Variants in HSD17B12 observed in about 807,000 individuals in gnomAD.
HSD17B12 encodes the protein hydroxysteroid 17-beta dehydrogenase 12.
HSD17B12 carries 32 observed loss-of-function variants against 39.3 expected under a neutral mutation model. The observed-to-expected ratio is 0.81, with a 90% CI of 0.61 to 1.09. The LOEUF (loss-of-function observed/expected upper bound fraction) is 1.09. Among genes scored for constraint, HSD17B12 ranks in the 50% least tolerant of loss-of-function variants. The pLI, the probability that HSD17B12 is intolerant of heterozygous loss-of-function variation, is 0.00. For missense variants in HSD17B12, 342 were observed against 382.9 expected (o/e 0.89, Z 0.89); for synonymous variants, 150 against 146.7 (o/e 1.02, Z -0.16).
chr11:43,574,845 TA>T, the HSD17B12 span, among the ~76,000 whole-genome samples: 1 of 152,242 alleles, frequency 6.6e-6, no homozygotes, highest in African/African-American at 2.4e-5. Flanking sequence ...CGCTGGAGAC[TA>T]AGCATTTGCA....
At chr11:43,615,646 T>A in the HSD17B12 span, among the ~76,000 whole-genome samples, 1 of 152,206 alleles carries the variant, frequency 6.6e-6, no homozygotes, top group African/African-American at 2.4e-5. Flanking sequence ...GTTTTCCTTT[T>A]CTCAGGGGTC....
intron 3 of HSD17B12, among the ~76,000 whole-genome samples, chr11:43,770,481 G>T (rs775220908): frequency 6.6e-6 from 1 of 152,184 alleles, no homozygotes; most frequent in East Asian, 1.9e-4. Flanking sequence ...TAATTCCAGC[G>T]CTTGAGAAGG....
At chr11:43,584,854 A>C in the HSD17B12 span, among the ~76,000 whole-genome samples, 1 of 152,186 alleles carries the variant, frequency 6.6e-6, no homozygotes, top group East Asian at 1.9e-4. Flanking sequence ...ACAAGGAAGG[A>C]CACAGTACCT....
chr11:43,706,724 T>TGTGTGTGTGTGTTG (rs1204580097), intron 1 of HSD17B12, among the ~76,000 whole-genome samples: 22 of 80,344 alleles, frequency 2.7e-4, no homozygotes, highest in African/African-American at 9.8e-4. Flanking sequence ...GTGTGTGTTG[T>TGTGTGTGTGTGTTG]GGGGGGTGGG....
intron 4 of HSD17B12, among the ~76,000 whole-genome samples, chr11:43,802,127 A>G (rs1950976124): frequency 6.6e-6 from 1 of 152,046 alleles, no homozygotes; most frequent in African/African-American, 2.4e-5. Flanking sequence ...CTGGGACTAC[A>G]GGTGGCTGCC....
chr11:43,759,815 C>A (rs966795026), intron 3 of HSD17B12, among the ~76,000 whole-genome samples: 3 of 151,944 alleles, frequency 2.0e-5, no homozygotes, highest in Non-Finnish European at 4.4e-5. Context: ...GTGACCTCAA[C>A]CTCCCAGGCC....
chr11:43,616,225 C>T, the HSD17B12 span, among the ~76,000 whole-genome samples: 5 of 151,830 alleles, frequency 3.3e-5, no homozygotes, highest in African/African-American at 4.8e-5. Flanking sequence ...CTGGGCAACA[C>T]GGTGAAACCC....
the HSD17B12 span, among the ~76,000 whole-genome samples, chr11:43,613,950 A>G: frequency 3.3e-5 from 5 of 152,216 alleles, no homozygotes; most frequent in Non-Finnish European, 7.3e-5. Flanking sequence ...TACAGGCATC[A>G]GCCACCATGT....
At chr11:43,854,549 A>G (rs1951562923) in intron 9 of HSD17B12, 166 bp from the exon 10 acceptor site, 2 of 647,276 alleles carry the variant, frequency 3.1e-6, no homozygotes, top group East Asian at 5.2e-5. Context: ...TTATGGTATC[A>G]TGTGTTCTAT....
intron 1 of HSD17B12, among the ~76,000 whole-genome samples, chr11:43,715,080 T>G (rs1950108327): frequency 6.6e-6 from 1 of 152,162 alleles, no homozygotes; most frequent in African/African-American, 2.4e-5. Context: ...ACAGGGACAA[T>G]TTGACTTCCT....
chr11:43,581,319 C>T, the HSD17B12 span: 2 of 470,858 alleles, frequency 4.2e-6, no homozygotes, highest in South Asian at 1.5e-5. This position sits in a 1 kb window ranked among gnomAD's most constrained non-coding sequence, Gnocchi z 4.9. Context: ...CTGGGGAGAC[C>T]CAGCCTGTTC....
At chr11:43,586,806 T>G in the HSD17B12 span, among the ~76,000 whole-genome samples, 1 of 152,234 alleles carries the variant, frequency 6.6e-6, no homozygotes, top group Non-Finnish European at 1.5e-5. Flanking sequence ...AACATGGGAA[T>G]AGTAGTCATG....
the HSD17B12 span, among the ~76,000 whole-genome samples, chr11:43,638,835 G>A: frequency 6.6e-6 from 1 of 151,402 alleles, no homozygotes; most frequent in Non-Finnish European, 1.5e-5. Flanking sequence ...GGGGACTGAA[G>A]TCCTCTTTCA....
intron 6 of HSD17B12, among the ~76,000 whole-genome samples, chr11:43,822,977 A>T (rs1393681505): frequency 6.6e-6 from 1 of 152,140 alleles, no homozygotes; most frequent in African/African-American, 2.4e-5. Flanking sequence ...CAAGCAGGGG[A>T]TTATATATTA....
At chr11:43,639,479 A>T in the HSD17B12 span, among the ~76,000 whole-genome samples, 1 of 152,114 alleles carries the variant, frequency 6.6e-6, no homozygotes, top group Non-Finnish European at 1.5e-5. Context: ...GCCTAGTTAC[A>T]ATCCCTCATT....
the HSD17B12 span, among the ~76,000 whole-genome samples, chr11:43,590,437 C>CAA: frequency 4.7e-4 from 31 of 66,242 alleles, 1 homozygote; most frequent in African/African-American, 1.7e-3. Flanking sequence ...TTAAGTTTAG[C>CAA]AAAAAAAAAA....
At chr11:43,823,353 G>C (rs188497186) in intron 6 of HSD17B12, among the ~76,000 whole-genome samples, 1 of 151,956 alleles carries the variant, frequency 6.6e-6, no homozygotes, top group African/African-American at 2.4e-5. Context: ...TCACTGTAAC[G>C]TCAAACTACT....
At chr11:43,837,681 C>G (rs1176389723) in intron 7 of HSD17B12, among the ~76,000 whole-genome samples, 1 of 152,152 alleles carries the variant, frequency 6.6e-6, no homozygotes, top group Admixed American at 6.6e-5. Context: ...AGAGTCAACT[C>G]TTTGTTGGTG....
At chr11:43,571,084 C>A in the HSD17B12 span, among the ~76,000 whole-genome samples, 4 of 152,166 alleles carry the variant, frequency 2.6e-5, no homozygotes, top group African/African-American at 9.7e-5. Context: ...GTGATCCAAG[C>A]TTAGTAGATC....
Sources: gnomAD v4.1 joint callset for allele counts (sites outside exome capture counted in the v4.1 genomes callset) on GRCh38, gnomAD v4.1.1 for gene constraint, Gnocchi (gnomAD v3.1) non-coding constraint, MANE v1.5 for transcripts, NCBI Gene and HGNC (gene_info 2026-07-23, HGNC 2026-07-21) for gene names.